Variants in USH2A observed in about 807,000 individuals in gnomAD.
The protein encoded by USH2A is Usher syndrome 2A (autosomal recessive, mild).
USH2A carries 443 observed loss-of-function variants against 538.9 expected under a neutral mutation model. The observed-to-expected ratio is 0.82, with a 90% confidence interval of 0.76 to 0.89. USH2A has a LOEUF of 0.89. Among genes scored for constraint, USH2A ranks in the 40% least tolerant of loss-of-function variants. The pLI, the probability that USH2A is intolerant of heterozygous loss-of-function variation, is 0.00. For synonymous variants in USH2A, 2,413 were observed against 2,273.5 expected, an observed-to-expected ratio of 1.06 and a Z score of -1.75; for missense variants, 6,633 against 6,324.8, an observed-to-expected ratio of 1.05 and a Z score of -1.65.
chr1:215,739,006 T>A (rs1343340693), intron 60 of USH2A, among the ~76,000 whole-genome samples: 1 of 152,224 alleles, frequency 6.6e-6, no homozygotes, highest in Admixed American at 6.5e-5. Flanking sequence ...TGTTGTTGTC[T>A]AAGCACATTT....
intron 44 of USH2A, among the ~76,000 whole-genome samples, chr1:215,861,660 C>G (rs756762665): frequency 6.6e-6 from 1 of 152,014 alleles, no homozygotes; most frequent in Non-Finnish European, 1.5e-5. Context: ...TGGTTAATAC[C>G]CAAAAAGATG....
intron 13 of USH2A, among the ~76,000 whole-genome samples, chr1:216,235,807 T>C (rs1301183147): frequency 6.6e-6 from 1 of 152,194 alleles, no homozygotes; most frequent in Admixed American, 6.5e-5. Flanking sequence ...GGCTAAGCAC[T>C]AATTGTAAGA....
At chr1:216,386,618 G>A (rs1216148518) in intron 3 of USH2A, among the ~76,000 whole-genome samples, 1 of 150,656 alleles carries the variant, frequency 6.6e-6, no homozygotes, top group Non-Finnish European at 1.5e-5. Flanking sequence ...GACTTTGGGA[G>A]GCTGAGGTAG....
intron 41 of USH2A, among the ~76,000 whole-genome samples, chr1:215,887,991 G>A (rs950145994): frequency 3.3e-5 from 5 of 152,118 alleles, no homozygotes; most frequent in East Asian, 1.9e-4. Flanking sequence ...TGGATAGCCC[G>A]TTAATATGCT....
chr1:215,950,156 T>C (rs1160863880), intron 37 of USH2A, among the ~76,000 whole-genome samples: 1 of 152,202 alleles, frequency 6.6e-6, no homozygotes, highest in Non-Finnish European at 1.5e-5. Flanking sequence ...TAGCAATTCC[T>C]TTGTTGTTAT....
At position 216,198,406 on chromosome 1, in the gene USH2A, C is replaced by T. The variant is rs1451955791; in HGVS notation, c.3990G>A (p.Glu1330=). 3 of 1,613,896 alleles carry T rather than the reference C, an allele frequency of 1.9e-6. No individual in the cohort carries two copies. The highest frequency in any genetic ancestry group is 2.2e-5 in the South Asian group (2 of 91,082). ...PQTMTTITGL[E]PYTKYEFRVL... ...CTCTGAACTCATACTTGGTGTATGGCTCCAAGCCAGTGATGGTTGTCATTG... is the reference window on the plus strand; with the variant it reads ...CTCTGAACTCATACTTGGTGTATGGTTCCAAGCCAGTGATGGTTGTCATTG... The change falls in exon 18 of 72, where the codon GAG becomes GAA. Residue 1330 remains glutamate (E), a synonymous_variant. Coordinates refer to ENST00000307340, the MANE Select transcript of USH2A (RefSeq NM_206933.4).
At chr1:215,824,511 G>A (rs1215341524) in intron 47 of USH2A, among the ~76,000 whole-genome samples, 1 of 152,086 alleles carries the variant, frequency 6.6e-6, no homozygotes, top group Non-Finnish European at 1.5e-5. Flanking sequence ...GTGTGAGGAG[G>A]CTGGCTGAGG....
intron 69 of USH2A, among the ~76,000 whole-genome samples, chr1:215,636,536 A>G (rs1292946944): frequency 6.6e-6 from 1 of 152,206 alleles, no homozygotes; most frequent in Admixed American, 6.5e-5. Context: ...TTGCACACTA[A>G]AAGAGTTGTT....
At chr1:216,141,220 C>A (rs1162778125) in intron 21 of USH2A, among the ~76,000 whole-genome samples, 2 of 152,198 alleles carry the variant, frequency 1.3e-5, no homozygotes, top group Non-Finnish European at 2.9e-5. Flanking sequence ...CTGCAATACA[C>A]ACACGTTAAT....
intron 21 of USH2A, among the ~76,000 whole-genome samples, chr1:216,163,099 G>A (rs906247104): frequency 2.6e-5 from 4 of 151,754 alleles, no homozygotes; most frequent in Admixed American, 1.3e-4. Context: ...AAGCATAATA[G>A]CTCTGCACTG....
At chr1:216,079,467 C>T (rs1054478729) in intron 26 of USH2A, among the ~76,000 whole-genome samples, 1 of 152,072 alleles carries the variant, frequency 6.6e-6, no homozygotes, top group Non-Finnish European at 1.5e-5. Context: ...ATGGAGGGTC[C>T]CCCAAGGAGG....
At chr1:216,235,037 A>T (rs2035779361) in intron 13 of USH2A, among the ~76,000 whole-genome samples, 1 of 152,160 alleles carries the variant, frequency 6.6e-6, no homozygotes, top group African/African-American at 2.4e-5. Context: ...TCCTATTTTT[A>T]AGCAGTTCTA....
At chr1:216,083,404 T>C (rs983362808) in intron 26 of USH2A, 52 bp downstream of exon 26, 15 of 1,577,746 alleles carry the variant, frequency 9.5e-6, no homozygotes, top group East Asian at 2.2e-5. Context: ...TTATTTATTT[T>C]AAAGTTGGGT....
In USH2A at chr1:215,860,470, G is replaced by A. The variant is rs149645478; in HGVS notation, c.8845+6537C>T. Among the ~76,000 whole-genome samples the A allele has an allele frequency of 2.7e-3, 410 of 152,244 alleles. 1 individual carries two copies. Among genetic ancestry groups the A allele is most frequent in the African/African-American group, 9.3e-3 (387 of 41,546 alleles). ...GACATGTGAGAATTATTAGGTTGGC[G>A]CAAAGTAGTTGTGGTTTTTGCCATT... On this transcript the variant is annotated intron_variant, in intron 44 of 71. Transcript: ENST00000307340.
intron 53 of USH2A, 106 bp from the exon 54 acceptor site, chr1:215,782,302 T>TATTTAATTTTAATTTA: frequency 8.2e-7 from 1 of 1,217,974 alleles, no homozygotes; most frequent in Non-Finnish European, 1.2e-6. Context: ...ACTATAGCTT[T>TATTTAATTTTAATTTA]ATTTAATTTT....
At chr1:216,385,231 C>A (rs1241291127) in intron 3 of USH2A, among the ~76,000 whole-genome samples, 1 of 152,088 alleles carries the variant, frequency 6.6e-6, no homozygotes, top group Non-Finnish European at 1.5e-5. Flanking sequence ...CAATGAGGTG[C>A]ATGAGGAGTG....
intron 60 of USH2A, among the ~76,000 whole-genome samples, chr1:215,728,751 A>G (rs529251817): frequency 6.6e-6 from 1 of 152,374 alleles, no homozygotes; most frequent in South Asian, 2.1e-4. Flanking sequence ...AACAAGATAC[A>G]TATGCAATAC....
chr1:216,324,115 C>A (rs2037676814), intron 7 of USH2A, 53 bp downstream of exon 7: 2 of 1,572,020 alleles, frequency 1.3e-6, no homozygotes, highest in East Asian at 2.3e-5. Flanking sequence ...CATACTTGTA[C>A]ATTATTAATA....
chr1:216,059,682 T>C (rs1168655752), intron 30 of USH2A, among the ~76,000 whole-genome samples: 2 of 152,232 alleles, frequency 1.3e-5, no homozygotes, highest in East Asian at 3.8e-4. Flanking sequence ...TGATAATTCC[T>C]ACATTGAATT....
Sources: gnomAD v4.1 joint callset for allele counts (sites outside exome capture counted in the v4.1 genomes callset) on GRCh38, gnomAD v4.1.1 for gene constraint, MANE v1.5 for transcripts, NCBI Gene and HGNC (gene_info 2026-07-23, HGNC 2026-07-21) for gene names.